Variants in DYRK1A observed in about 807,000 individuals in gnomAD.
DYRK1A encodes the protein dual specificity tyrosine-phosphorylation-regulated kinase 1A.
Under a neutral mutation model 79.7 loss-of-function variants are expected in DYRK1A, and 9 were observed. The ratio of observed to expected loss-of-function variants is 0.11; its 90% confidence interval spans 0.07 to 0.20. DYRK1A has a LOEUF of 0.20. Among genes scored for constraint, DYRK1A ranks in the 10% least tolerant of loss-of-function variants. The pLI is 1.00. For synonymous variants in DYRK1A, 349 were observed against 329.7 expected (o/e 1.06, Z -0.63); for missense variants, 622 against 956.0 (o/e 0.65, Z 4.61).
Position 37,499,024 on chromosome 21 carries a change from G to A in DYRK1A, c.1212+2766G>A, listed in dbSNP as rs142352975. Among the ~76,000 whole-genome samples the A allele has an allele frequency of 7.9e-5, 12 of 152,042 alleles. No individual in the cohort carries two copies. The East Asian group carries it at 2.3e-3, about 29-fold the overall frequency. On this transcript the variant is annotated intron_variant, in intron 9 of 11. Coordinates refer to ENST00000647188, the MANE Select transcript of DYRK1A (RefSeq NM_001347721.2). ...GTAGTCCTTTGTCATTAAGTTTTTT[G>A]TCACATGTATGTCAGTGTATTTCCC...
At chr21:37,477,624 TA>T (rs2148569480) in intron 3 of DYRK1A, among the ~76,000 whole-genome samples, 1 of 152,252 alleles carries the variant, frequency 6.6e-6, no homozygotes, top group African/African-American at 2.4e-5. Flanking sequence ...AAGCCTTGGT[TA>T]GGGGCAGATA....
At chr21:37,408,054 T>A (rs200345249) in intron 1 of DYRK1A, among the ~76,000 whole-genome samples, 1 of 152,244 alleles carries the variant, frequency 6.6e-6, no homozygotes, top group East Asian at 1.9e-4. Flanking sequence ...AAATCTTTGT[T>A]AGTGACTTAG....
chr21:37,375,769 G>A (rs960184102), intron 1 of DYRK1A, among the ~76,000 whole-genome samples: 2 of 151,772 alleles, frequency 1.3e-5, no homozygotes, highest in African/African-American at 4.8e-5. Context: ...TTGGCCTCCC[G>A]AAGTGTTGAG....
intron 1 of DYRK1A, among the ~76,000 whole-genome samples, chr21:37,407,020 A>G (rs1678615225): frequency 6.7e-6 from 1 of 150,336 alleles, no homozygotes; most frequent in Non-Finnish European, 1.5e-5. Context: ...TGCCCTGACT[A>G]GTAAAGGTTT....
intron 1 of DYRK1A, chr21:37,375,166 G>A (rs972790144): frequency 6.6e-6 from 1 of 152,110 alleles, no homozygotes; most frequent in Admixed American, 6.5e-5. Context: ...TGAATGGTTG[G>A]CCCAGTTGTC....
At chr21:37,370,416 G>A (rs1350973272) in intron 1 of DYRK1A, among the ~76,000 whole-genome samples, 1 of 151,988 alleles carries the variant, frequency 6.6e-6, no homozygotes, top group African/African-American at 2.4e-5. Context: ...TGTATTATAG[G>A]CGAGAAGGGA....
chr21:37,479,589 G>GTTTTTTTTTTTT (rs1569361929), intron 4 of DYRK1A, among the ~76,000 whole-genome samples: 1 of 74,382 alleles, frequency 1.3e-5, no homozygotes, highest in Admixed American at 1.8e-4. Flanking sequence ...CAGTGTTGGT[G>GTTTTTTTTTTTT]TTTTGTTTTT....
chr21:37,387,592 C>A (rs2049785276), intron 1 of DYRK1A, among the ~76,000 whole-genome samples: 2 of 152,160 alleles, frequency 1.3e-5, no homozygotes, highest in Non-Finnish European at 2.9e-5. Flanking sequence ...GAAATTCTTG[C>A]TCTCTGGACC....
At chr21:37,385,032 T>TGGA (rs1476755043) in intron 1 of DYRK1A, among the ~76,000 whole-genome samples, 2 of 151,974 alleles carry the variant, frequency 1.3e-5, no homozygotes, top group African/African-American at 4.8e-5. Flanking sequence ...GTTGACATCT[T>TGGA]GGACGTGAGG....
chr21:37,439,842 C>T (rs1477229383), intron 2 of DYRK1A, among the ~76,000 whole-genome samples: 1 of 152,088 alleles, frequency 6.6e-6, no homozygotes, highest in Admixed American at 6.6e-5. Flanking sequence ...TTTTCTGCAT[C>T]TCCCGAGATT....
intron 1 of DYRK1A, among the ~76,000 whole-genome samples, chr21:37,374,190 T>C (rs1205570194): frequency 6.6e-6 from 1 of 151,966 alleles, no homozygotes; most frequent in Non-Finnish European, 1.5e-5. Context: ...TTAGTGTTAA[T>C]AGTCCACTGG....
rs1299162372 is a variant in DYRK1A, at chr21:37,526,024, TA to T, written c.*13495del. 4 of 152,236 alleles carry T rather than the reference TA, an allele frequency of 2.6e-5. No individual in the cohort carries two copies. The highest frequency in any genetic ancestry group is 2.0e-4 in the Admixed American group (3 of 15,286). The allele number at this position is 152,236 out of a possible 1,614,324, so 9.4% of individuals were successfully genotyped here. ...TGTTTATGTGAAACTCCTACTGTGT[TA>T]AGTGATTTCAAGAAGAACTATTGTT... On this transcript the variant is annotated 3_prime_UTR_variant, in exon 12 of 12. Transcript: ENST00000647188.
In DYRK1A at chr21:37,525,093, T is replaced by C. The variant is rs1440377983; in HGVS notation, c.*12562T>C. 6.6e-6 allele frequency: 1 copy of C among 152,190 alleles called. No individual in the cohort carries two copies. Among genetic ancestry groups the C allele is most frequent in the Non-Finnish European group, 1.5e-5 (1 of 68,036 alleles). The allele number at this position is 152,190 out of a possible 1,614,324, so 9.4% of individuals were successfully genotyped here. A position where few individuals can be genotyped will look rare whatever the true frequency, so the allele number is the denominator to read the frequency against. On this transcript the variant is annotated 3_prime_UTR_variant, in exon 12 of 12. Coordinates refer to ENST00000647188, the MANE Select transcript of DYRK1A (RefSeq NM_001347721.2). ...CAGCCTGGATGACAGAGTGAGAACA[T>C]TGTCTCAAAACAAAAAGTTGAGAAA...
intron 1 of DYRK1A, among the ~76,000 whole-genome samples, chr21:37,371,816 CAT>C (rs1272681479): frequency 6.6e-6 from 1 of 152,062 alleles, no homozygotes; most frequent in Non-Finnish European, 1.5e-5. Context: ...ACTGGCTTAA[CAT>C]AGAATGAAAC....
chr21:37,505,622 A>G lies in DYRK1A; in HGVS notation c.1519+33A>G, dbSNP rs905376983. The G allele has an allele frequency of 2.6e-6, 4 of 1,534,288 alleles. No individual in the cohort carries two copies. In the African/African-American group the frequency reaches 4.2e-5, roughly 16 times the overall value. Reference sequence around the variant, plus strand: ...CTGCTGCGGTTAGATTAGGCTTGGGAATGTTTTGTGTTTTCTTTATGAAGT... The same window carrying G: ...CTGCTGCGGTTAGATTAGGCTTGGGGATGTTTTGTGTTTTCTTTATGAAGT... On this transcript the variant is annotated intron_variant, in intron 10 of 11. Coordinates refer to ENST00000647188, the MANE Select transcript of DYRK1A (RefSeq NM_001347721.2).
intron 5 of DYRK1A, 82 bp downstream of exon 5, chr21:37,480,908 A>G: frequency 8.7e-7 from 1 of 1,143,860 alleles, no homozygotes; most frequent in East Asian, 2.5e-5. Flanking sequence ...CTTCCTCAAG[A>G]GTGTACTTTT....
At chr21:37,472,221 T>G in intron 2 of DYRK1A, among the ~76,000 whole-genome samples, 1 of 152,226 alleles carries the variant, frequency 6.6e-6, no homozygotes, top group Non-Finnish European at 1.5e-5. Flanking sequence ...CCATAAGGTT[T>G]CACCTGGTTT....
rs754001234 is a variant in DYRK1A, at chr21:37,493,168, A to C, written c.1071+5A>C. 1 of 1,594,454 alleles carries C rather than the reference A, an allele frequency of 6.3e-7. No homozygotes were observed. The highest frequency in any genetic ancestry group is 1.3e-5 in the African/African-American group (1 of 74,640). On this transcript the variant is annotated splice_donor_5th_base_variant and intron_variant, in intron 8 of 11. Coordinates refer to ENST00000647188, the MANE Select transcript of DYRK1A (RefSeq NM_001347721.2). ...CTGTTCAGTGGTGCCAATGAGGTAA[A>C]TGATGTATTGCTTTACAAATTCTGT...
intron 4 of DYRK1A, 26 bp from the exon 5 acceptor site, chr21:37,480,612 G>A: frequency 6.5e-7 from 1 of 1,534,086 alleles, no homozygotes; most frequent in South Asian, 1.3e-5. Context: ...AAATTTTACA[G>A]TTAACACTAT....
Sources: gnomAD v4.1 joint callset for allele counts (sites outside exome capture counted in the v4.1 genomes callset) on GRCh38, gnomAD v4.1.1 for gene constraint, MANE v1.5 for transcripts, NCBI Gene and HGNC (gene_info 2026-07-23, HGNC 2026-07-21) for gene names.